KIF4B: variants seen among roughly 807,000 people sequenced by gnomAD.
KIF4B encodes kinesin family member 4B.
In KIF4B, 60 loss-of-function variants were observed where a neutral mutation model predicts 69.0. That is an observed-to-expected ratio of 0.87 (90% CI 0.71 to 1.08). KIF4B has a LOEUF of 1.08. Among genes scored for constraint, KIF4B ranks in the 50% least tolerant of loss-of-function variants. The pLI, the probability that KIF4B is intolerant of heterozygous loss-of-function variation, is 0.00. For synonymous variants in KIF4B, 489 were observed against 533.0 expected (o/e 0.92, Z 1.14); for missense variants, 1,357 against 1,451.9 (o/e 0.93, Z 1.06).
rs2113054011 is a variant in KIF4B at position 155,014,532 on chromosome 5, A to G, written c.673A>G (p.Lys225Glu). The G allele has an allele frequency of 6.2e-7, 1 of 1,614,078 alleles. No individual in the cohort carries two copies. The highest frequency in any genetic ancestry group is 1.7e-5 in the Admixed American group (1 of 60,018). Reference protein sequence around the residue: ...IFTISIEQRKKSDKNCSFRSK... With the variant: ...IFTISIEQRKESDKNCSFRSK... ...TACAATCTCCATAGAGCAAAGAAAGAAAAGTGACAAGAATTGCAGCTTTCG... is the reference window on the plus strand; with the variant it reads ...TACAATCTCCATAGAGCAAAGAAAGGAAAGTGACAAGAATTGCAGCTTTCG... Residue 225 changes from lysine (K) to glutamate (E), a missense_variant, in exon 1 of 1, where the codon AAA becomes GAA. Coordinates refer to ENST00000435029, the MANE Select transcript of KIF4B (RefSeq NM_001099293.3).
rs988557280 is a variant in KIF4B at position 155,017,631 on chromosome 5, G to T, written c.*67G>T. ...TGCTTTCCAGTTGCAGCCAGAAGGG[G>T]TTTTTTAAATGACTTCTCTGGATTT... On this transcript the variant is annotated 3_prime_UTR_variant, in exon 1 of 1. Coordinates refer to ENST00000435029, the MANE Select transcript of KIF4B (RefSeq NM_001099293.3). The T allele has an allele frequency of 3.5e-5, 53 of 1,518,910 alleles. No individual in the cohort carries two copies. Among genetic ancestry groups the T allele is most frequent in the Middle Eastern group, 2.4e-4 (1 of 4,084 alleles). The allele number at this position is 1,518,910 out of a possible 1,614,324, so 94.1% of individuals were successfully genotyped here. A position where few individuals can be genotyped will look rare whatever the true frequency, so the allele number is the denominator to read the frequency against.
rs758713344 is a variant in KIF4B, at chr5:155,014,653, G to T, written c.794G>T (p.Arg265Leu). ...DRLKEGININ[R>L]GLLCLGNVIS... ...CTAAAAGAGGGTATTAATATTAACCGAGGCCTCCTATGCTTGGGAAATGTA... is the reference window on the plus strand; with the variant it reads ...CTAAAAGAGGGTATTAATATTAACCTAGGCCTCCTATGCTTGGGAAATGTA... The change falls in exon 1 of 1, where the codon CGA (arginine) becomes CTA (leucine). Residue 265 changes from arginine to leucine, a missense_variant. Coordinates refer to ENST00000435029, the MANE Select transcript of KIF4B (RefSeq NM_001099293.3). The T allele has an allele frequency of 1.9e-6, 3 of 1,614,124 alleles. No homozygotes were observed. The highest frequency in any genetic ancestry group is 4.5e-5 in the East Asian group (2 of 44,876).
At position 155,017,114 on chromosome 5, in the gene KIF4B, C is replaced by G. The variant is rs369855438; in HGVS notation, c.3255C>G (p.Ile1085Met). ...TKLVKVSRKNIQGCSCKGWCG... is the reference protein window; with the variant it reads ...TKLVKVSRKNMQGCSCKGWCG... ...TAGTCAAGGTGTCCAGGAAGAACAT[C>G]CAAGGGTGTTCCTGCAAGGGCTGGT... The change falls in exon 1 of 1, where the codon ATC (isoleucine) becomes ATG (methionine). Residue 1085 changes from isoleucine (I) to methionine (M), a missense_variant. Ile to Met is a conservative substitution (Grantham distance 10). Transcript: ENST00000435029. The G allele has an allele frequency of 2.7e-5, 43 of 1,614,090 alleles. No individual in the cohort carries two copies. In the African/African-American group the frequency reaches 4.5e-4, roughly 17 times the overall value.
chr5:155,015,669 G>C lies in KIF4B; in HGVS notation c.1810G>C (p.Glu604Gln). 1 of 1,614,194 alleles carries C rather than the reference G, an allele frequency of 6.2e-7. No individual in the cohort carries two copies. Among genetic ancestry groups the C allele is most frequent in the Non-Finnish European group, 8.5e-7 (1 of 1,180,042 alleles). Residue 604 changes from glutamate (E) to glutamine (Q), a missense_variant, in exon 1 of 1, where the codon GAG becomes CAG. Glu to Gln is a conservative substitution (Grantham distance 29). Coordinates refer to ENST00000435029, the MANE Select transcript of KIF4B (RefSeq NM_001099293.3). ...LSEHRHKLLQ[E>Q]LEGQIADLKK... Reference sequence around the variant, plus strand: ...TGAGCACCGCCACAAACTTCTCCAGGAGCTGGAGGGTCAAATAGCTGATCT... The same window carrying C: ...TGAGCACCGCCACAAACTTCTCCAGCAGCTGGAGGGTCAAATAGCTGATCT...
rs1182933666 is a variant in KIF4B at position 155,015,210 on chromosome 5, G to T, written c.1351G>T (p.Val451Leu). 6.2e-7 allele frequency: 1 copy of T among 1,614,230 alleles called. No homozygotes were observed. Among genetic ancestry groups the T allele is most frequent in the Admixed American group, 1.7e-5 (1 of 60,028 alleles). ...VACKLDLQKL[V>L]ETLEDQELKE... is the part of the protein sequence containing the mutation. ...CTGCAAGCTGGATCTTCAAAAGCTA[G>T]TGGAGACTTTGGAAGACCAGGAATT... Residue 451 changes from valine to leucine, a missense_variant, in exon 1 of 1, where the codon GTG becomes TTG. Val to Leu is a conservative substitution (Grantham distance 32, BLOSUM62 1). Coordinates refer to ENST00000435029, the MANE Select transcript of KIF4B (RefSeq NM_001099293.3).
In KIF4B at chr5:155,015,472, C is replaced by T; in HGVS notation, c.1613C>T (p.Ala538Val). ...ELNNALALKE[A>V]LVRKMTQNDN... ...AATAACGCCCTTGCACTGAAAGAGG[C>T]CCTAGTTAGGAAGATGACTCAGAAC... Residue 538 changes from alanine (A) to valine (V), a missense_variant, in exon 1 of 1, where the codon GCC becomes GTC. By Grantham distance (64) the Ala-to-Val change is moderately conservative. Transcript: ENST00000435029. 1 of 1,614,142 alleles carries T rather than the reference C, an allele frequency of 6.2e-7. No homozygotes were observed. The highest frequency in any genetic ancestry group is 8.5e-7 in the Non-Finnish European group (1 of 1,180,038).
At position 155,017,487 on chromosome 5, in the gene KIF4B, A is replaced by G. The variant is rs1453627430; in HGVS notation, c.3628A>G (p.Lys1210Glu). 6.2e-7 allele frequency: 1 copy of G among 1,614,110 alleles called. No homozygotes were observed. Among genetic ancestry groups the G allele is most frequent in the Non-Finnish European group, 8.5e-7 (1 of 1,180,008 alleles). The part of the protein sequence containing the change: ...TEYQQNKPPG[K>E]KKKRALASNT... ...ATACCAACAAAATAAGCCTCCAGGG[A>G]AGAAAAAGAAACGAGCTCTGGCTAG... The change falls in exon 1 of 1, where the codon AAG becomes GAG. Residue 1210 changes from lysine to glutamate, a missense_variant. Physicochemically the swap from Lys to Glu is moderately conservative, Grantham distance 56. Transcript: ENST00000435029.
At position 155,014,316 on chromosome 5, in the gene KIF4B, T is replaced by A. The variant is rs373667918; in HGVS notation, c.457T>A (p.Cys153Ser). The A allele has an allele frequency of 6.2e-7, 1 of 1,614,150 alleles. No homozygotes were observed. Among genetic ancestry groups the A allele is most frequent in the Non-Finnish European group, 8.5e-7 (1 of 1,180,058 alleles). The change falls in exon 1 of 1, where the codon TGC (cysteine) becomes AGC (serine). Residue 153 changes from cysteine (C) to serine (S), a missense_variant. Physicochemically the swap from Cys to Ser is moderately radical, Grantham distance 112. Coordinates refer to ENST00000435029, the MANE Select transcript of KIF4B (RefSeq NM_001099293.3). Reference protein sequence around the residue: ...IYNEEILDLLCPSREKAQINI... With the variant: ...IYNEEILDLLSPSREKAQINI... The stretch of plus-strand genomic sequence containing the variant: ...CAATGAAGAAATTTTGGATCTTCTA[T>A]GCCCATCTCGTGAGAAAGCTCAAAT...
chr5:155,016,638 C>A lies in KIF4B; in HGVS notation c.2779C>A (p.His927Asn). 1 of 1,614,144 alleles carries A rather than the reference C, an allele frequency of 6.2e-7. No individual in the cohort carries two copies. Among genetic ancestry groups the A allele is most frequent in the Non-Finnish European group, 8.5e-7 (1 of 1,180,016 alleles). Residue 927 changes from histidine (H) to asparagine (N), a missense_variant, in exon 1 of 1, where the codon CAC (histidine) becomes AAC (asparagine). By Grantham distance (68) the His-to-Asn change is moderately conservative. Transcript: ENST00000435029. Reference protein sequence around the residue: ...QAELVRMEQQHQEKVLYLVSQ... With the variant: ...QAELVRMEQQNQEKVLYLVSQ... ...TGAGCTGGTCAGAATGGAGCAACAG[C>A]ACCAAGAGAAGGTGCTATACCTTGT...
At position 155,016,989 on chromosome 5, in the gene KIF4B, C is replaced by A; in HGVS notation, c.3130C>A (p.Leu1044Ile). Residue 1044 changes from leucine (L) to isoleucine (I), a missense_variant, in exon 1 of 1, where the codon CTA becomes ATA. Leu to Ile is a conservative substitution (Grantham distance 5). Coordinates refer to ENST00000435029, the MANE Select transcript of KIF4B (RefSeq NM_001099293.3). ...FLEQSMDIED[L>I]KYCSEHSVNE... ...GGAGCAAAGCATGGACATCGAGGAT[C>A]TAAAATATTGTTCAGAGCATTCTGT... 1 of 1,614,186 alleles carries A rather than the reference C, an allele frequency of 6.2e-7. No individual in the cohort carries two copies. Among genetic ancestry groups the A allele is most frequent in the Non-Finnish European group, 8.5e-7 (1 of 1,180,038 alleles).
At position 155,017,808 on chromosome 5, in the gene KIF4B, C is replaced by T. The variant is rs1332276711; in HGVS notation, c.*244C>T. The T allele has an allele frequency of 1.6e-6, 1 of 615,744 alleles. No homozygotes were observed. Among genetic ancestry groups the T allele is most frequent in the Non-Finnish European group, 2.7e-6 (1 of 365,046 alleles). 38.1% of individuals were successfully genotyped at this position (615,744 alleles called of 1,614,324 possible). On this transcript the variant is annotated 3_prime_UTR_variant, in exon 1 of 1. Coordinates refer to ENST00000435029, the MANE Select transcript of KIF4B (RefSeq NM_001099293.3). ...ACCTGCTGAAGAGAGAACCAACAGA[C>T]TTTCCTAATGACTCATCAGGAACCA... is the stretch of plus-strand genomic sequence containing the variant.
chr5:155,015,332 G>A lies in KIF4B; in HGVS notation c.1473G>A (p.Ala491=), dbSNP rs762593011. 1.6e-5 allele frequency: 26 copies of A among 1,614,016 alleles called. No individual in the cohort carries two copies. Among genetic ancestry groups the A allele is most frequent in the East Asian group, 2.2e-5 (1 of 44,888 alleles). The change falls in exon 1 of 1, where the codon GCG becomes GCA. Residue 491 remains alanine, a synonymous_variant. Transcript: ENST00000435029. ...VACTAAAIDT[A]VEEEAQVETS... ...GCACGGCTGCAGCCATTGATACTGC[G>A]GTAGAAGAAGAAGCTCAAGTGGAAA...
chr5:155,013,972 A>G lies in KIF4B; in HGVS notation c.113A>G (p.Glu38Gly). 6.2e-7 allele frequency: 1 copy of G among 1,614,222 alleles called. No individual in the cohort carries two copies. Among genetic ancestry groups the G allele is most frequent in the South Asian group, 1.1e-5 (1 of 91,084 alleles). ...ATGTGCCTTTCCTTCGTGCCCGGGG[A>G]GACTCAGGTGGTGGTTGGTACTGAT... Reference protein sequence around the residue: ...CQMCLSFVPGETQVVVGTDKS... With the variant: ...CQMCLSFVPGGTQVVVGTDKS... The change falls in exon 1 of 1, where the codon GAG becomes GGG. Residue 38 changes from glutamate (E) to glycine (G), a missense_variant. Coordinates refer to ENST00000435029, the MANE Select transcript of KIF4B (RefSeq NM_001099293.3).
In KIF4B at chr5:155,014,392, A is replaced by G. The variant is rs1235761744; in HGVS notation, c.533A>G (p.Glu178Gly). The stretch of plus-strand genomic sequence containing the variant: ...GGCATAAAGATTGTGGGACTCACTG[A>G]GAAGACTGTTTTAGTTGCCTTGGAT... ...KEGIKIVGLT[E>G]KTVLVALDTV... The change falls in exon 1 of 1, where the codon GAG (glutamate) becomes GGG (glycine). Residue 178 changes from glutamate (E) to glycine (G), a missense_variant. Physicochemically the swap from Glu to Gly is moderately conservative, Grantham distance 98. Coordinates refer to ENST00000435029, the MANE Select transcript of KIF4B (RefSeq NM_001099293.3). 2 of 1,614,248 alleles carry G rather than the reference A, an allele frequency of 1.2e-6. No homozygotes were observed. Among genetic ancestry groups the G allele is most frequent in the East Asian group, 4.5e-5 (2 of 44,892 alleles).
Position 155,015,293 on chromosome 5 carries a change from T to A in KIF4B, c.1434T>A (p.Asp478Glu), listed in dbSNP as rs781682820. The A allele has an allele frequency of 3.1e-6, 5 of 1,614,192 alleles. No individual in the cohort carries two copies. In the South Asian group the frequency reaches 4.4e-5, roughly 14 times the overall value. The change falls in exon 1 of 1, where the codon GAT becomes GAA. Residue 478 changes from aspartate (D) to glutamate (E), a missense_variant. Coordinates refer to ENST00000435029, the MANE Select transcript of KIF4B (RefSeq NM_001099293.3). ...NLQQLITQLSDETVACTAAAI... is the reference protein window; with the variant it reads ...NLQQLITQLSEETVACTAAAI... ...AGCAACTGATTACCCAGTTATCAGA[T>A]GAAACTGTTGCTTGCACGGCTGCAG...
chr5:155,014,377 T>C lies in KIF4B; in HGVS notation c.518T>C (p.Ile173Thr). Residue 173 changes from isoleucine to threonine, a missense_variant, in exon 1 of 1, where the codon ATT becomes ACT. By Grantham distance (89) the Ile-to-Thr change is moderately conservative. Transcript: ENST00000435029. Reference protein sequence around the residue: ...IREDPKEGIKIVGLTEKTVLV... With the variant: ...IREDPKEGIKTVGLTEKTVLV... The stretch of plus-strand genomic sequence containing the variant: ...GAGGATCCTAAGGAAGGCATAAAGA[T>C]TGTGGGACTCACTGAGAAGACTGTT... The C allele has an allele frequency of 1.2e-6, 2 of 1,614,194 alleles. No individual in the cohort carries two copies. Among genetic ancestry groups the C allele is most frequent in the Non-Finnish European group, 1.7e-6 (2 of 1,180,034 alleles).
At position 155,015,538 on chromosome 5, in the gene KIF4B, A is replaced by G. The variant is rs1005279093; in HGVS notation, c.1679A>G (p.Asn560Ser). 1.2e-6 allele frequency: 2 copies of G among 1,614,118 alleles called. No homozygotes were observed. The highest frequency in any genetic ancestry group is 1.7e-5 in the Admixed American group (1 of 60,006). The change falls in exon 1 of 1, where the codon AAC becomes AGC. Residue 560 changes from asparagine (N) to serine (S), a missense_variant. Physicochemically the swap from Asn to Ser is conservative, Grantham distance 46 (BLOSUM62 1). Transcript: ENST00000435029. ...LQPIQFQYQD[N>S]IKNLELEVIN... is the part of the protein sequence containing the mutation. ...CCCATTCAGTTTCAATACCAGGATA[A>G]CATAAAAAATCTAGAATTAGAAGTC...
At position 155,017,134 on chromosome 5, in the gene KIF4B, G is replaced by C; in HGVS notation, c.3275G>C (p.Gly1092Ala). The part of the protein sequence containing the change: ...RKNIQGCSCK[G>A]WCGNKQCGCR... ...AACATCCAAGGGTGTTCCTGCAAGG[G>C]CTGGTGTGGGAACAAGCAGTGTGGG... Residue 1092 changes from glycine (G) to alanine (A), a missense_variant, in exon 1 of 1, where the codon GGC becomes GCC. Transcript: ENST00000435029. The C allele has an allele frequency of 6.2e-7, 1 of 1,614,172 alleles. No individual in the cohort carries two copies. Among genetic ancestry groups the C allele is most frequent in the East Asian group, 2.2e-5 (1 of 44,862 alleles).
At position 155,017,590 on chromosome 5, in the gene KIF4B, A is replaced by G. The variant is rs1339759539; in HGVS notation, c.*26A>G. The G allele has an allele frequency of 6.2e-7, 1 of 1,600,352 alleles. No individual in the cohort carries two copies. The highest frequency in any genetic ancestry group is 2.2e-5 in the East Asian group (1 of 44,762). On this transcript the variant is annotated 3_prime_UTR_variant, in exon 1 of 1. Transcript: ENST00000435029. ...AGTTGGAGTCATCATCTCTACCCCC[A>G]ATCTGGCTTGGGAGATGCTTTCCAG...
Sources: gnomAD v4.1 joint callset for allele counts on GRCh38, gnomAD v4.1.1 for gene constraint, MANE v1.5 for transcripts, NCBI Gene and HGNC (gene_info 2026-07-23, HGNC 2026-07-21) for gene names.